STX18: variants seen among roughly 807,000 people sequenced by gnomAD.
STX18 encodes the protein syntaxin 18.
A neutral mutation model predicts 50.1 loss-of-function variants in STX18; 40 were observed. The ratio of observed to expected loss-of-function variants is 0.80; its 90% CI spans 0.62 to 1.04. STX18 has a LOEUF of 1.04. STX18 is among the 50% of genes least tolerant of loss of function. STX18 has a pLI of 0.00. For missense variants in STX18, 410 were observed against 415.8 expected (o/e 0.99, Z 0.12); for synonymous variants, 158 against 151.8 (o/e 1.04, Z -0.30).
At chr4:4,498,594 C>T (rs1188177309) in intron 1 of STX18, among the ~76,000 whole-genome samples, 1 of 152,182 alleles carries the variant, frequency 6.6e-6, no homozygotes, top group Non-Finnish European at 1.5e-5. Context: ...ACTTCATTAT[C>T]TCTCCAAGGA....
chr4:4,534,519 A>G (rs907470298), intron 1 of STX18, among the ~76,000 whole-genome samples: 6 of 152,172 alleles, frequency 3.9e-5, no homozygotes, highest in African/African-American at 1.2e-4. Flanking sequence ...TCTCCCATCC[A>G]ACCCTACTGT....
At chr4:4,532,725 C>T (rs1350459290) in intron 1 of STX18, among the ~76,000 whole-genome samples, 1 of 152,136 alleles carries the variant, frequency 6.6e-6, no homozygotes, top group Non-Finnish European at 1.5e-5. Flanking sequence ...TTGGCAAAGG[C>T]CAAAAGTATT....
chr4:4,540,948 T>C (rs1323958726), intron 1 of STX18, among the ~76,000 whole-genome samples: 1 of 152,186 alleles, frequency 6.6e-6, no homozygotes, highest in Non-Finnish European at 1.5e-5. Context: ...CTTGGTGATT[T>C]TTATTTCTTG....
rs772921612 is a variant in STX18, at chr4:4,420,245, C to G, written c.913-116G>C. 1.3e-6 allele frequency: 1 copy of G among 769,052 alleles called. No individual in the cohort carries two copies. The highest frequency in any genetic ancestry group is 2.2e-5 in the Admixed American group (1 of 46,356). 47.6% of individuals were successfully genotyped at this position (769,052 alleles called of 1,614,324 possible). A position where few individuals can be genotyped will look rare whatever the true frequency, so the allele number is the denominator to read the frequency against. ...TGATCCTGGCTGTAACTATGGGTGT[C>G]GTTCCATCTGTGCTTACCTTGAATA... is the stretch of plus-strand genomic sequence containing the variant. On this transcript the variant is annotated intron_variant, in intron 10 of 10. Transcript: ENST00000306200. The surrounding 1 kb of genome is among the most constrained non-coding windows in gnomAD (Gnocchi z 4.3).
At chr4:4,474,472 C>T (rs1303047717) in intron 1 of STX18, among the ~76,000 whole-genome samples, 1 of 152,190 alleles carries the variant, frequency 6.6e-6, no homozygotes, top group Non-Finnish European at 1.5e-5. Context: ...AGGCCCATCC[C>T]CCTGTAAGAT....
rs985194769 is a variant in STX18, at chr4:4,419,425, G to A, written c.*609C>T. 6.6e-6 allele frequency: 1 copy of A among 152,258 alleles called. No homozygotes were observed. Among genetic ancestry groups the A allele is most frequent in the African/African-American group, 2.4e-5 (1 of 41,448 alleles). The allele number at this position is 152,258 out of a possible 1,614,324, so 9.4% of individuals were successfully genotyped here. A position where few individuals can be genotyped will look rare whatever the true frequency, so the allele number is the denominator to read the frequency against. On this transcript the variant is annotated 3_prime_UTR_variant, in exon 11 of 11. Transcript: ENST00000306200. The stretch of plus-strand genomic sequence containing the variant: ...TTCTTCCCTGATTGATTGATAGGAG[G>A]TGGCTGGGCTGCCACTGAATTTGTC...
chr4:4,446,320 T>A (rs1482861810), intron 5 of STX18, among the ~76,000 whole-genome samples: 1 of 152,058 alleles, frequency 6.6e-6, no homozygotes, highest in Non-Finnish European at 1.5e-5. Context: ...TTAATAAAAT[T>A]CAACTTCCTC....
At chr4:4,510,057 T>A (rs1209922054) in intron 1 of STX18, among the ~76,000 whole-genome samples, 2 of 152,146 alleles carry the variant, frequency 1.3e-5, no homozygotes, top group Non-Finnish European at 2.9e-5. Context: ...GAAATATAAA[T>A]CTGGGAGTTT....
At chr4:4,501,284 A>AT (rs1330571853) in intron 1 of STX18, among the ~76,000 whole-genome samples, 1 of 152,204 alleles carries the variant, frequency 6.6e-6, no homozygotes, top group East Asian at 1.9e-4. Context: ...ATATAGCCAC[A>AT]TTTTTGCGAC....
chr4:4,533,895 T>G (rs896193205), intron 1 of STX18, among the ~76,000 whole-genome samples: 1 of 152,232 alleles, frequency 6.6e-6, no homozygotes, highest in Non-Finnish European at 1.5e-5. Flanking sequence ...CTGAGAATCA[T>G]GCTTCTACAA....
intron 2 of STX18, among the ~76,000 whole-genome samples, chr4:4,460,494 T>A (rs1577343121): frequency 6.6e-6 from 1 of 151,930 alleles, no homozygotes; most frequent in South Asian, 2.1e-4. Context: ...GGACAGGCCC[T>A]TCTAAAAAAG....
intron 5 of STX18, among the ~76,000 whole-genome samples, chr4:4,439,068 CCA>C (rs1047758379): frequency 2.0e-5 from 3 of 147,950 alleles, no homozygotes; most frequent in African/African-American, 5.1e-5. Context: ...ACATATATAC[CCA>C]CACACATATA....
intron 7 of STX18, among the ~76,000 whole-genome samples, chr4:4,432,944 G>A (rs911685076): frequency 1.3e-5 from 2 of 152,158 alleles, no homozygotes; most frequent in South Asian, 2.1e-4. Context: ...ATGACACTTC[G>A]GTGGGCCGGC....
chr4:4,439,275 AACACACACACATATATAC>A (rs1199370129), intron 5 of STX18, among the ~76,000 whole-genome samples: 1 of 139,434 alleles, frequency 7.2e-6, no homozygotes, highest in African/African-American at 3.0e-5. Flanking sequence ...CACCCACATA[AACACACACACATATATAC>A]ACACACATAC....
At chr4:4,499,538 G>A (rs1269119800) in intron 1 of STX18, 1 of 985,406 alleles carries the variant, frequency 1.0e-6, no homozygotes, top group East Asian at 1.1e-4. Flanking sequence ...ATCCCAGCAA[G>A]CCTAGCACTG....
At chr4:4,514,679 A>G (rs1163736699) in intron 1 of STX18, among the ~76,000 whole-genome samples, 1 of 152,164 alleles carries the variant, frequency 6.6e-6, no homozygotes, top group Non-Finnish European at 1.5e-5. Context: ...AAAGTGGCAT[A>G]AACAGGTTAA....
chr4:4,486,676 T>C (rs1266930432), intron 1 of STX18, among the ~76,000 whole-genome samples: 1 of 152,226 alleles, frequency 6.6e-6, no homozygotes, highest in African/African-American at 2.4e-5. Flanking sequence ...AAATTAGGTC[T>C]ACTCCATAGC....
At chr4:4,452,285 C>G (rs1726794912) in intron 5 of STX18, among the ~76,000 whole-genome samples, 1 of 152,232 alleles carries the variant, frequency 6.6e-6, no homozygotes, top group African/African-American at 2.4e-5. Flanking sequence ...TTAGCAAGTG[C>G]TGACACAGAA....
chr4:4,490,505 A>C (rs967458530), intron 1 of STX18, among the ~76,000 whole-genome samples: 1 of 152,214 alleles, frequency 6.6e-6, no homozygotes, highest in African/African-American at 2.4e-5. Context: ...ACATAAACTG[A>C]AACGTTTTCC....
Sources: allele counts gnomAD v4.1 joint callset (sites outside exome capture counted in the v4.1 genomes callset), GRCh38; gene constraint gnomAD v4.1.1; non-coding constraint Gnocchi (gnomAD v3.1); transcripts MANE v1.5; gene names NCBI Gene and HGNC (gene_info 2026-07-23, HGNC 2026-07-21).